Variants in CEP68 observed in about 807,000 individuals in gnomAD.
The protein encoded by CEP68 is centrosomal protein of 68 kDa.
Under a neutral mutation model 55.3 loss-of-function variants are expected in CEP68, and 26 were observed. The observed-to-expected ratio is 0.47, with a 90% CI of 0.34 to 0.65. CEP68 has a LOEUF of 0.65. Among genes scored for constraint, CEP68 ranks in the 30% least tolerant of loss-of-function variants. The pLI, the probability that CEP68 is intolerant of heterozygous loss-of-function variation, is 0.01. For missense variants in CEP68, 957 were observed against 946.7 expected, an observed-to-expected ratio of 1.01 and a Z score of -0.14; for synonymous variants, 402 against 383.2, an observed-to-expected ratio of 1.05 and a Z score of -0.57.
chr2:65,061,082 C>G (rs1675889958), intron 1 of CEP68, among the ~76,000 whole-genome samples: 1 of 152,062 alleles, frequency 6.6e-6, no homozygotes, highest in South Asian at 2.1e-4. Flanking sequence ...GAGACTGAGG[C>G]AGGAGAATTG....
chr2:65,065,423 C>T (rs1676118581), intron 1 of CEP68, among the ~76,000 whole-genome samples: 1 of 152,220 alleles, frequency 6.6e-6, no homozygotes, highest in African/African-American at 2.4e-5. Flanking sequence ...AAAGAGGAAG[C>T]TGTCTTTGTA....
chr2:65,065,796 C>G lies in CEP68; in HGVS notation c.-46-3603C>G, dbSNP rs138778578. ...TCAGCCTGGCCAACATGGTGAAACCCCATACAAAAATTAGTCAGGCATGGT... is the reference window on the plus strand; with the variant it reads ...TCAGCCTGGCCAACATGGTGAAACCGCATACAAAAATTAGTCAGGCATGGT... On this transcript the variant is annotated intron_variant, in intron 1 of 6. Coordinates refer to ENST00000377990, the MANE Select transcript of CEP68 (RefSeq NM_015147.3). 3.3e-5 allele frequency among the ~76,000 whole-genome samples: 5 copies of G among 151,870 alleles called. No individual in the cohort carries two copies. The East Asian group carries it at 9.7e-4, about 29-fold the overall frequency.
intron 4 of CEP68, among the ~76,000 whole-genome samples, chr2:65,077,537 C>T (rs893805303): frequency 6.6e-6 from 1 of 152,158 alleles, no homozygotes; most frequent in African/African-American, 2.4e-5. Flanking sequence ...TTCTGAGACT[C>T]CCATAGCCCT....
At chr2:65,073,100 G>C (rs754947209) in intron 3 of CEP68, 120 bp downstream of exon 3, 6 of 1,053,426 alleles carry the variant, frequency 5.7e-6, no homozygotes, top group Middle Eastern at 2.0e-4. Flanking sequence ...GCCAGGCATT[G>C]TGCTGTACCT....
At chr2:65,077,828 A>T in intron 4 of CEP68, 40 bp from the exon 5 acceptor site, 1 of 1,464,212 alleles carries the variant, frequency 6.8e-7, no homozygotes, top group Non-Finnish European at 9.5e-7. Context: ...AAACAATAGT[A>T]ACGAAGCTTC....
intron 4 of CEP68, among the ~76,000 whole-genome samples, chr2:65,075,662 C>CGTTA (rs941639120): frequency 1.3e-5 from 2 of 152,140 alleles, no homozygotes; most frequent in African/African-American, 4.8e-5. Context: ...CTAAGTCTAA[C>CGTTA]GTTAACCTTG....
At chr2:65,083,610 T>C (rs1668934868) in intron 6 of CEP68, 29 bp from the exon 7 acceptor site, 1 of 152,246 alleles carries the variant, frequency 6.6e-6, no homozygotes, top group Non-Finnish European at 1.5e-5. Context: ...ACATTATGCC[T>C]GTAACAAATG....
chr2:65,079,348 A>G (rs1048182710), intron 5 of CEP68, among the ~76,000 whole-genome samples: 1 of 152,198 alleles, frequency 6.6e-6, no homozygotes, highest in African/African-American at 2.4e-5. Flanking sequence ...TGGCCCCAGT[A>G]AATCCCTGCT....
chr2:65,064,388 C>A (rs142043885), intron 1 of CEP68, among the ~76,000 whole-genome samples: 466 of 152,278 alleles, frequency 3.1e-3, no homozygotes, highest in African/African-American at 0.011. Flanking sequence ...CTCAAGATCG[C>A]ACCCTTTAGT....
intron 1 of CEP68, among the ~76,000 whole-genome samples, chr2:65,062,714 G>A (rs1437945243): frequency 6.6e-6 from 1 of 151,798 alleles, no homozygotes; most frequent in Non-Finnish European, 1.5e-5. Context: ...GTGCACGCCT[G>A]TAATCCCAGC....
intron 1 of CEP68, among the ~76,000 whole-genome samples, chr2:65,068,141 G>A (rs1469299652): frequency 3.9e-5 from 6 of 152,234 alleles, no homozygotes; most frequent in South Asian, 2.1e-4. Flanking sequence ...GGTGGCTGCC[G>A]ACATCCTGGG....
chr2:65,073,325 G>C, intron 3 of CEP68: 1 of 364,644 alleles, frequency 2.7e-6, no homozygotes, highest in East Asian at 7.0e-5. Context: ...AACAAAAAAG[G>C]TTTTGTGCAC....
intron 6 of CEP68, 138 bp from the exon 7 acceptor site, chr2:65,083,501 G>C (rs1668932233): frequency 6.6e-6 from 1 of 152,262 alleles, no homozygotes; most frequent in African/African-American, 2.4e-5. Context: ...GGTATGCTAA[G>C]AGCAGGGAGT....
rs1669035155 is a variant in CEP68, at chr2:65,086,620, T to TA, written c.*2987dup. 1 of 152,288 alleles carries TA rather than the reference T, an allele frequency of 6.6e-6. No homozygotes were observed. Among genetic ancestry groups the TA allele is most frequent in the Admixed American group, 6.5e-5 (1 of 15,282 alleles). The allele number at this position is 152,288 out of a possible 1,614,324, so 9.4% of individuals were successfully genotyped here. A position where few individuals can be genotyped will look rare whatever the true frequency, so the allele number is the denominator to read the frequency against. On this transcript the variant is annotated 3_prime_UTR_variant, in exon 7 of 7. Transcript: ENST00000377990. ...ATAAGCTGACAATTTAAACAACTTT[T>TA]ACTGTGTAAAAATGAAGTGCACGGC...
Position 65,072,008 on chromosome 2 carries a change from C to T in CEP68, c.912C>T (p.Asp304=). 1 of 1,613,260 alleles carries T rather than the reference C, an allele frequency of 6.2e-7. No homozygotes were observed. The highest frequency in any genetic ancestry group is 1.3e-5 in the African/African-American group (1 of 75,002). Residue 304 remains aspartate (D), a synonymous_variant, in exon 3 of 7, where the codon GAC becomes GAT. Transcript: ENST00000377990. ...NPNKEYEDLL[D]YTYPLRPGPQ... ...ATAAAGAGTATGAAGATCTGCTTGA[C>T]TATACTTACCCACTGAGGCCCGGGC...
intron 1 of CEP68, among the ~76,000 whole-genome samples, chr2:65,058,442 G>A (rs910873704): frequency 6.7e-6 from 1 of 148,866 alleles, no homozygotes; most frequent in African/African-American, 2.5e-5. Context: ...GGGCTCAAGC[G>A]ATTACTGGCA....
Position 65,086,264 on chromosome 2 carries a change from A to G in CEP68, c.*2630A>G, listed in dbSNP as rs769898944. ...CAGAGTGTGCAGCTGCTTAGATTTA[A>G]GAACACTCTTCTTCACTATGTAAAC... On this transcript the variant is annotated 3_prime_UTR_variant, in exon 7 of 7. Transcript: ENST00000377990. 6.6e-6 allele frequency: 1 copy of G among 152,224 alleles called. No homozygotes were observed. The allele number at this position is 152,224 out of a possible 1,614,324, so 9.4% of individuals were successfully genotyped here. A position where few individuals can be genotyped will look rare whatever the true frequency, so the allele number is the denominator to read the frequency against.
In CEP68 at chr2:65,072,513, G is replaced by A. The variant is rs35089924; in HGVS notation, c.1417G>A (p.Glu473Lys). The A allele has an allele frequency of 1.2e-6, 2 of 1,614,142 alleles. No individual in the cohort carries two copies. Among genetic ancestry groups the A allele is most frequent in the South Asian group, 2.2e-5 (2 of 91,076 alleles). ...PTCTESRWKS[E>K]EEVESDDEYL... ...CTGCACAGAGTCTAGGTGGAAATCAGAAGAGGAAGTGGAAAGTGATGACGA... is the reference window on the plus strand; with the variant it reads ...CTGCACAGAGTCTAGGTGGAAATCAAAAGAGGAAGTGGAAAGTGATGACGA... The change falls in exon 3 of 7, where the codon GAA (glutamate) becomes AAA (lysine). Residue 473 changes from glutamate to lysine, a missense_variant. Glu to Lys is a moderately conservative substitution (Grantham distance 56). Coordinates refer to ENST00000377990, the MANE Select transcript of CEP68 (RefSeq NM_015147.3).
intron 1 of CEP68, among the ~76,000 whole-genome samples, chr2:65,063,158 A>G (rs150828436): frequency 6.6e-6 from 1 of 152,314 alleles, no homozygotes; most frequent in East Asian, 1.9e-4. Context: ...CATCACTCCT[A>G]ATTATATCTG....
Sources: allele counts gnomAD v4.1 joint callset (sites outside exome capture counted in the v4.1 genomes callset), GRCh38; gene constraint gnomAD v4.1.1; transcripts MANE v1.5; gene names NCBI Gene and HGNC (gene_info 2026-07-23, HGNC 2026-07-21).